Variants in CIBAR1 observed in about 807,000 individuals in gnomAD.
CIBAR1 encodes the protein CBY1 interacting BAR domain containing 1.
In CIBAR1, 25 loss-of-function variants were observed where a neutral mutation model predicts 44.0. The observed-to-expected ratio is 0.57, with a 90% CI of 0.41 to 0.79. The LOEUF (loss-of-function observed/expected upper bound fraction) is 0.79, where lower values mean the gene tolerates loss of function less well. Ranked by LOEUF, CIBAR1 falls within the 30% of genes least tolerant of loss-of-function variation. CIBAR1 has a pLI of 0.00. For missense variants in CIBAR1, 278 were observed against 344.8 expected (o/e 0.81, Z 1.53); for synonymous variants, 115 against 119.0 (o/e 0.97, Z 0.22).
chr8:93,711,735 C>A (rs958977970), intron 6 of CIBAR1, among the ~76,000 whole-genome samples: 1 of 152,138 alleles, frequency 6.6e-6, no homozygotes, highest in African/African-American at 2.4e-5. Context: ...ATTCCTTGCT[C>A]CATCATTGTT....
chr8:93,705,937 G>T (rs1432744570), intron 4 of CIBAR1: 1 of 150,454 alleles, frequency 6.6e-6, no homozygotes, highest in Non-Finnish European at 1.5e-5. Flanking sequence ...AAAACAAAGC[G>T]AGACTATCTC....
intron 7 of CIBAR1, among the ~76,000 whole-genome samples, chr8:93,723,440 C>T (rs1225559158): frequency 6.6e-6 from 1 of 152,140 alleles, no homozygotes; most frequent in African/African-American, 2.4e-5. Context: ...GTCTTTTATC[C>T]TTGACTCCTT....
rs1810294993 is a variant in CIBAR1 at position 93,700,599 on chromosome 8, A to ATCCCCGTCCTTGGGC, written c.-48_-34dup. 6.8e-7 allele frequency: 1 copy of ATCCCCGTCCTTGGGC among 1,464,540 alleles called. No individual in the cohort carries two copies. The highest frequency in any genetic ancestry group is 9.0e-7 in the Non-Finnish European group (1 of 1,106,902). The allele number at this position is 1,464,540 out of a possible 1,614,324, so 90.7% of individuals were successfully genotyped here. A position where few individuals can be genotyped will look rare whatever the true frequency, so the allele number is the denominator to read the frequency against. ...CCAGCGCGCGCCCAGGCGCCTTGGA[A>ATCCCCGTCCTTGGGC]TCCCCGTCCTTGGGCCCCCGCAAGG... On this transcript the variant is annotated 5_prime_UTR_variant, in exon 1 of 9. Transcript: ENST00000518322.
intron 6 of CIBAR1, chr8:93,715,549 TA>T (rs1380107433): frequency 6.6e-6 from 1 of 152,206 alleles, no homozygotes; most frequent in African/African-American, 2.4e-5. Context: ...AAACATTTCT[TA>T]AACATTGTCT....
intron 5 of CIBAR1, among the ~76,000 whole-genome samples, chr8:93,709,298 AAAG>A (rs779587756): frequency 7.2e-5 from 11 of 152,198 alleles, no homozygotes; most frequent in Non-Finnish European, 4.4e-5. Flanking sequence ...AATAAATAAA[AAAG>A]AGATAATCTG....
chr8:93,700,686 G>T lies in CIBAR1; in HGVS notation c.26+13G>T, dbSNP rs28372880. The stretch of plus-strand genomic sequence containing the variant: ...CCCTGGAAAACCGGTAACAGCCCGA[G>T]CCCAGCTGCCCAGGGCCGCCCACAC... On this transcript the variant is annotated intron_variant, in intron 1 of 8. Transcript: ENST00000518322. 2.0e-4 allele frequency: 297 copies of T among 1,502,196 alleles called. 2 individuals carry two copies. In the East Asian group the frequency reaches 8.0e-3, roughly 41 times the overall value. The allele number at this position is 1,502,196 out of a possible 1,614,324, so 93.1% of individuals were successfully genotyped here.
At chr8:93,709,941 T>G (rs1027958688) in intron 6 of CIBAR1, 66 bp downstream of exon 6, 1 of 1,247,904 alleles carries the variant, frequency 8.0e-7, no homozygotes, top group African/African-American at 1.5e-5. Flanking sequence ...AATGAAAAAT[T>G]TAAATTACTC....
intron 3 of CIBAR1, among the ~76,000 whole-genome samples, chr8:93,703,979 G>T (rs183044719): frequency 1.3e-5 from 2 of 151,710 alleles, no homozygotes; most frequent in Non-Finnish European, 2.9e-5. Context: ...CAAGAAAATC[G>T]CTTGAACCCA....
chr8:93,720,459 G>A (rs572557829), intron 7 of CIBAR1, among the ~76,000 whole-genome samples: 47 of 152,266 alleles, frequency 3.1e-4, no homozygotes, highest in African/African-American at 1.0e-3. Flanking sequence ...TTTTATATCA[G>A]TTATATATAC....
At position 93,728,207 on chromosome 8, in the gene CIBAR1, A is replaced by G; in HGVS notation, c.780A>G (p.Val260=). 6.4e-6 allele frequency: 10 copies of G among 1,565,670 alleles called. No homozygotes were observed. Among genetic ancestry groups the G allele is most frequent in the Non-Finnish European group, 8.6e-6 (10 of 1,161,236 alleles). Residue 260 remains valine (V), a splice_region_variant and synonymous_variant, in exon 9 of 9, where the codon GTA becomes GTG. Transcript: ENST00000518322. ...SAKCVSGTGQ[V]STCRLRKDQQ... ...AAAAGTGTGTTAACTTTTAACAGGT[A>G]TCCACTTGTCGACTAAGAAAGGATC...
At chr8:93,717,226 CCA>C (rs1489925287) in intron 6 of CIBAR1, among the ~76,000 whole-genome samples, 1 of 152,194 alleles carries the variant, frequency 6.6e-6, no homozygotes. Flanking sequence ...CTAGGAGTTT[CCA>C]CACTCAAGAA....
intron 2 of CIBAR1, chr8:93,702,670 T>C (rs1478066918): frequency 3.7e-6 from 1 of 270,518 alleles, no homozygotes; most frequent in Non-Finnish European, 7.5e-6. Flanking sequence ...ATTCCTAATA[T>C]TTGAATACTT....
At position 93,710,018 on chromosome 8, in the gene CIBAR1, C is replaced by T. The variant is rs1810759145; in HGVS notation, c.543+143C>T. On this transcript the variant is annotated intron_variant, in intron 6 of 8. Transcript: ENST00000518322. ...ATAAATAAGGGGGCGGGCACAGTGG[C>T]TTATGCCTGTAATCCTAGCACTTTG... 16 of 617,208 alleles carry T rather than the reference C, an allele frequency of 2.6e-5. No individual in the cohort carries two copies. The Admixed American group carries it at 4.7e-4, about 18-fold the overall frequency. 38.2% of individuals were successfully genotyped at this position (617,208 alleles called of 1,614,324 possible). A position where few individuals can be genotyped will look rare whatever the true frequency, so the allele number is the denominator to read the frequency against.
chr8:93,721,605 C>T (rs1186191665), intron 7 of CIBAR1, among the ~76,000 whole-genome samples: 1 of 152,144 alleles, frequency 6.6e-6, no homozygotes, highest in Non-Finnish European at 1.5e-5. Context: ...TCAGCTTCCT[C>T]CTTTCTAAAA....
intron 8 of CIBAR1, among the ~76,000 whole-genome samples, chr8:93,726,942 T>C (rs1811539210): frequency 6.6e-6 from 1 of 152,220 alleles, no homozygotes; most frequent in Non-Finnish European, 1.5e-5. Context: ...TTTTTCTATA[T>C]CCAGAAAGCT....
chr8:93,704,652 C>T (rs1254850360), intron 3 of CIBAR1, among the ~76,000 whole-genome samples: 4 of 152,156 alleles, frequency 2.6e-5, no homozygotes, highest in African/African-American at 7.2e-5. Context: ...CAAAATTACA[C>T]ATTTATATGC....
At chr8:93,717,554 G>T (rs1001470574) in intron 6 of CIBAR1, among the ~76,000 whole-genome samples, 26 of 152,056 alleles carry the variant, frequency 1.7e-4, no homozygotes, top group Admixed American at 5.9e-4. Context: ...GCCTCTTAAT[G>T]CTCCCTTAAG....
chr8:93,729,026 A>T lies in CIBAR1; in HGVS notation c.*729A>T, dbSNP rs2130408104. The T allele has an allele frequency of 6.6e-6, 1 of 152,232 alleles. No homozygotes were observed. Among genetic ancestry groups the T allele is most frequent in the East Asian group, 1.9e-4 (1 of 5,188 alleles). 9.4% of individuals were successfully genotyped at this position (152,232 alleles called of 1,614,324 possible). On this transcript the variant is annotated 3_prime_UTR_variant, in exon 9 of 9. Transcript: ENST00000518322. ...TTAAAAATTCTATAAAAATTTTACC[A>T]AGCTACCATATAGTTAATAAAAGGG... is the stretch of plus-strand genomic sequence containing the variant.
At chr8:93,703,550 GT>G in intron 2 of CIBAR1, 69 bp from the exon 3 acceptor site, 2 of 866,248 alleles carry the variant, frequency 2.3e-6, no homozygotes, top group Middle Eastern at 3.0e-4. Flanking sequence ...TCAATTTCTA[GT>G]GATTAGCCTT....
Sources: gnomAD v4.1 joint callset for allele counts (sites outside exome capture counted in the v4.1 genomes callset) on GRCh38, gnomAD v4.1.1 for gene constraint, MANE v1.5 for transcripts, NCBI Gene and HGNC (gene_info 2026-07-23, HGNC 2026-07-21) for gene names.